Variants in PUM1 observed in about 807,000 individuals in gnomAD.
PUM1 encodes the protein pumilio RNA binding family member 1.
In PUM1, 13 loss-of-function variants were observed where a neutral mutation model predicts 131.8. That is an observed-to-expected ratio of 0.10 (90% confidence interval 0.06 to 0.16). The LOEUF (loss-of-function observed/expected upper bound fraction) is 0.16, where lower values mean the gene tolerates loss of function less well. Among genes scored for constraint, PUM1 ranks in the 10% least tolerant of loss-of-function variants. The pLI is 1.00. For synonymous variants in PUM1, 509 were observed against 556.5 expected, an observed-to-expected ratio of 0.91 and a Z score of 1.20; for missense variants, 961 against 1,512.4, an observed-to-expected ratio of 0.64 and a Z score of 6.05.
intron 2 of PUM1, among the ~76,000 whole-genome samples, chr1:31,054,147 C>G (rs1246780283): frequency 7.6e-6 from 1 of 131,696 alleles, no homozygotes; most frequent in African/African-American, 2.9e-5. Flanking sequence ...CTGAGCATGG[C>G]AAAACTCCAC....
At chr1:30,951,031 A>C (rs1331485281) in intron 16 of PUM1, among the ~76,000 whole-genome samples, 2 of 152,224 alleles carry the variant, frequency 1.3e-5, no homozygotes, top group East Asian at 3.8e-4. Flanking sequence ...CACAATGTTA[A>C]AATTCTACTT....
At chr1:30,965,747 T>C (rs575929250) in intron 13 of PUM1, among the ~76,000 whole-genome samples, 7 of 152,310 alleles carry the variant, frequency 4.6e-5, no homozygotes, top group African/African-American at 1.7e-4. Flanking sequence ...TCCCTAGATT[T>C]CAAATCCCTG....
intron 20 of PUM1, among the ~76,000 whole-genome samples, chr1:30,939,979 C>T (rs746764160): frequency 1.6e-4 from 25 of 152,030 alleles, no homozygotes; most frequent in Admixed American, 3.3e-4. Context: ...AGGAGACTGA[C>T]CCGAAGAAGA....
At chr1:30,964,605 G>T in intron 14 of PUM1, 69 bp downstream of exon 14, 1 of 1,385,164 alleles carries the variant, frequency 7.2e-7, no homozygotes, top group Non-Finnish European at 1.0e-6. Flanking sequence ...CTTATGCAAA[G>T]TTCTTGTAAT....
chr1:31,011,898 A>G (rs1014716948), intron 3 of PUM1, among the ~76,000 whole-genome samples: 2 of 152,224 alleles, frequency 1.3e-5, no homozygotes, highest in South Asian at 2.1e-4. Context: ...CCAAAAGAAG[A>G]TAACAGGAAT....
intron 1 of PUM1, chr1:31,061,589 ACT>A (rs1644369163): frequency 6.6e-6 from 1 of 151,532 alleles, no homozygotes; most frequent in Non-Finnish European, 1.5e-5. Flanking sequence ...ACAGAGCGAG[ACT>A]CTGTCTCAAA....
chr1:31,048,349 C>T (rs752275948), intron 2 of PUM1, among the ~76,000 whole-genome samples: 15 of 151,998 alleles, frequency 9.9e-5, no homozygotes, highest in Middle Eastern at 3.4e-3. Flanking sequence ...ATTCCAAACA[C>T]AACTCTCCCT....
At chr1:31,000,839 T>C (rs577535838) in intron 5 of PUM1, among the ~76,000 whole-genome samples, 1 of 152,368 alleles carries the variant, frequency 6.6e-6, no homozygotes, top group African/African-American at 2.4e-5. Flanking sequence ...TCTGATTCCT[T>C]TGAAGTACAA....
intron 6 of PUM1, among the ~76,000 whole-genome samples, chr1:30,993,449 T>C (rs1641872042): frequency 6.6e-6 from 1 of 151,892 alleles, no homozygotes; most frequent in South Asian, 2.1e-4. Context: ...TTCAGGATTA[T>C]ATGATCCAAA....
chr1:30,936,989 C>T (rs1570072933), intron 20 of PUM1, among the ~76,000 whole-genome samples, 154 bp from the exon 21 acceptor site: 1 of 152,154 alleles, frequency 6.6e-6, no homozygotes, highest in African/African-American at 2.4e-5. Context: ...CTGACTCTCT[C>T]AGTCTCTGAC....
At chr1:30,968,836 G>A (rs1640737392) in intron 10 of PUM1, among the ~76,000 whole-genome samples, 1 of 152,202 alleles carries the variant, frequency 6.6e-6, no homozygotes, top group African/African-American at 2.4e-5. Flanking sequence ...GCAAGTGGTA[G>A]TGTTATCAAA....
chr1:31,056,609 C>CTTTTTT (rs57685772), intron 2 of PUM1, among the ~76,000 whole-genome samples: 685 of 43,720 alleles, frequency 0.016, 67 homozygotes, highest in Middle Eastern at 0.083. Context: ...CTTTTCTTTT[C>CTTTTTT]TTTTTTTTTT....
intron 3 of PUM1, among the ~76,000 whole-genome samples, chr1:31,019,422 T>C (rs1490155392): frequency 6.6e-6 from 1 of 152,230 alleles, no homozygotes; most frequent in South Asian, 2.1e-4. Context: ...GCAAACTTGA[T>C]GACTACCATT....
intron 14 of PUM1, among the ~76,000 whole-genome samples, chr1:30,963,817 C>A (rs1640517033): frequency 6.6e-6 from 1 of 152,212 alleles, no homozygotes; most frequent in Non-Finnish European, 1.5e-5. Flanking sequence ...CTTCCACTCA[C>A]AAAAGTGTTC....
chr1:31,065,502 T>C, intron 1 of PUM1, 114 bp downstream of exon 1: 1 of 1,203,586 alleles, frequency 8.3e-7, no homozygotes, highest in Non-Finnish European at 1.1e-6. Context: ...CCCCGGCGGC[T>C]TTTCCAAAGC....
intron 2 of PUM1, among the ~76,000 whole-genome samples, chr1:31,046,244 G>C (rs930451991): frequency 3.3e-5 from 5 of 151,402 alleles, no homozygotes; most frequent in Non-Finnish European, 7.4e-5. Flanking sequence ...AAATTAGCTG[G>C]GTGTGGTGGC....
chr1:31,008,154 G>A (rs1444876165), intron 3 of PUM1, among the ~76,000 whole-genome samples: 1 of 152,100 alleles, frequency 6.6e-6, no homozygotes, highest in Non-Finnish European at 1.5e-5. Context: ...GACGATAAAG[G>A]TTTAACTTTC....
intron 20 of PUM1, among the ~76,000 whole-genome samples, chr1:30,937,944 G>A (rs1382787276): frequency 6.6e-6 from 1 of 151,896 alleles, no homozygotes; most frequent in South Asian, 2.1e-4. Context: ...GCTAATTTTT[G>A]TATTTTTAGT....
In PUM1 at chr1:30,979,851, G is replaced by A. The variant is rs114402001; in HGVS notation, c.1354+211C>T. On this transcript the variant is annotated intron_variant, in intron 9 of 21. Transcript: ENST00000426105. The stretch of plus-strand genomic sequence containing the variant: ...TGGATCAAAAACACATATGCAAGGC[G>A]TATGTGATTAATTTGCCTTTGAACA... 5.2e-3 allele frequency among the ~76,000 whole-genome samples: 797 copies of A among 152,250 alleles called. 6 individuals are homozygous for A. Among genetic ancestry groups the A allele is most frequent in the African/African-American group, 0.018 (733 of 41,526 alleles).
Sources: gnomAD v4.1 joint callset for allele counts (sites outside exome capture counted in the v4.1 genomes callset) on GRCh38, gnomAD v4.1.1 for gene constraint, MANE v1.5 for transcripts, NCBI Gene and HGNC (gene_info 2026-07-23, HGNC 2026-07-21) for gene names.